COQ10B: variants seen among roughly 807,000 people sequenced by gnomAD.
COQ10B encodes the protein coenzyme Q-binding protein COQ10 homolog B, mitochondrial.
COQ10B carries 12 observed loss-of-function variants against 27.6 expected under a neutral mutation model. The observed-to-expected ratio is 0.43, with a 90% CI of 0.28 to 0.70. The LOEUF is 0.70. Ranked by LOEUF, COQ10B falls within the 30% of genes least tolerant of loss-of-function variation. COQ10B has a pLI of 0.17. For missense variants in COQ10B, 278 were observed against 288.7 expected (o/e 0.96, Z 0.27); for synonymous variants, 115 against 103.0 (o/e 1.12, Z -0.71).
At chr2:197,471,353 G>C (rs182448156) in intron 4 of COQ10B, among the ~76,000 whole-genome samples, 4 of 152,110 alleles carry the variant, frequency 2.6e-5, no homozygotes, top group Non-Finnish European at 5.9e-5. Context: ...TGTTTCCCAG[G>C]CTGGTCTCGA....
intron 1 of COQ10B, among the ~76,000 whole-genome samples, chr2:197,457,051 A>G (rs1282899816): frequency 6.6e-6 from 1 of 152,176 alleles, no homozygotes; most frequent in African/African-American, 2.4e-5. Flanking sequence ...ATCATCAGGC[A>G]TTAGTTAGAT....
chr2:197,468,615 T>C (rs2085849483), intron 3 of COQ10B, among the ~76,000 whole-genome samples: 1 of 152,190 alleles, frequency 6.6e-6, no homozygotes, highest in African/African-American at 2.4e-5. Flanking sequence ...GATTTTATTA[T>C]AGACTCTTGA....
chr2:197,459,526 ATTTTAAGTC>A (rs1358485328), intron 1 of COQ10B, among the ~76,000 whole-genome samples: 4 of 152,160 alleles, frequency 2.6e-5, no homozygotes, highest in Non-Finnish European at 5.9e-5. Context: ...TTGAGACCTA[ATTTTAAGTC>A]TCACTGGAGT....
intron 4 of COQ10B, among the ~76,000 whole-genome samples, chr2:197,470,555 T>G (rs1016831954): frequency 6.6e-6 from 1 of 151,682 alleles, no homozygotes; most frequent in African/African-American, 2.4e-5. Flanking sequence ...AGGCCAGGAG[T>G]TTGAGACCAG....
intron 4 of COQ10B, among the ~76,000 whole-genome samples, chr2:197,473,015 A>G (rs2085894659): frequency 6.6e-6 from 1 of 152,132 alleles, no homozygotes; most frequent in South Asian, 2.1e-4. Context: ...TGATTAATGT[A>G]TTCAGCAAAG....
At chr2:197,453,758 G>GA in intron 1 of COQ10B, 94 bp downstream of exon 1, 1 of 1,185,194 alleles carries the variant, frequency 8.4e-7, no homozygotes. Flanking sequence ...GGCAGAGCCG[G>GA]ACTCGGTGCA....
rs2085666650 is a variant in COQ10B, at chr2:197,453,952, T to C, written c.104+288T>C. On this transcript the variant is annotated intron_variant, in intron 1 of 4. Coordinates refer to ENST00000263960, the MANE Select transcript of COQ10B (RefSeq NM_025147.5). The stretch of plus-strand genomic sequence containing the variant: ...CATTGGTGCCTTTGGGCTCTTCCGG[T>C]CTCCTCCCCTATGGCTTGTTGCTAC... 4 of 1,550,034 alleles carry C rather than the reference T, an allele frequency of 2.6e-6. No individual in the cohort carries two copies. The African/African-American group carries it at 4.1e-5, about 16-fold the overall frequency.
rs779647756 is a variant in COQ10B, at chr2:197,459,980, T to C, written c.153T>C (p.His51=). 3 of 1,612,008 alleles carry C rather than the reference T, an allele frequency of 1.9e-6. No homozygotes were observed. The South Asian group carries it at 3.3e-5, about 18-fold the overall frequency. The part of the protein sequence containing the change: ...GILMSRTLPL[H]TSILPKEICA... ...TGATGAGCAGAACTCTTCCACTACA[T>C]ACCTCAATTTTGCCTAAGGAGATAT... The change falls in exon 2 of 5, where the codon CAT becomes CAC. Residue 51 remains histidine, a synonymous_variant. Transcript: ENST00000263960.
At chr2:197,459,002 G>A (rs1436419002) in intron 1 of COQ10B, among the ~76,000 whole-genome samples, 1 of 152,096 alleles carries the variant, frequency 6.6e-6, no homozygotes, top group Non-Finnish European at 1.5e-5. Flanking sequence ...ATCTTATTAA[G>A]GAAAGTTGAA....
At chr2:197,457,258 G>A (rs994077677) in intron 1 of COQ10B, among the ~76,000 whole-genome samples, 3 of 152,146 alleles carry the variant, frequency 2.0e-5, no homozygotes, top group African/African-American at 4.8e-5. Context: ...TTGGGGATCC[G>A]TCTTCTATAC....
At chr2:197,456,023 C>T (rs183361980) in intron 1 of COQ10B, among the ~76,000 whole-genome samples, 23 of 152,104 alleles carry the variant, frequency 1.5e-4, no homozygotes, top group South Asian at 4.2e-4. Flanking sequence ...TATTAATACA[C>T]GATGGGAATA....
rs755954925 is a variant in COQ10B, at chr2:197,462,674, A to T, written c.390A>T (p.Pro130=). The change falls in exon 3 of 5, where the codon CCA becomes CCT. Residue 130 remains proline (P), a synonymous_variant. Coordinates refer to ENST00000263960, the MANE Select transcript of COQ10B (RefSeq NM_025147.5). The part of the protein sequence containing the change: ...YCKTRLEIGF[P]PVLERYTSVV... ...AAACAAGATTAGAAATTGGATTTCCACCTGTGTTGGAGCGATATACATCAG... is the reference window on the plus strand; with the variant it reads ...AAACAAGATTAGAAATTGGATTTCCTCCTGTGTTGGAGCGATATACATCAG... 1 of 1,604,998 alleles carries T rather than the reference A, an allele frequency of 6.2e-7. No homozygotes were observed.
At chr2:197,471,462 T>G (rs561937126) in intron 4 of COQ10B, among the ~76,000 whole-genome samples, 1 of 152,276 alleles carries the variant, frequency 6.6e-6, no homozygotes, top group African/African-American at 2.4e-5. Flanking sequence ...CTTTTTCATA[T>G]AATCGTAGTT....
intron 2 of COQ10B, among the ~76,000 whole-genome samples, chr2:197,461,559 C>CTGTGTGTGTGTG (rs60261177): frequency 1.4e-5 from 2 of 139,760 alleles, no homozygotes; most frequent in African/African-American, 5.3e-5. Context: ...CTGATTTAGT[C>CTGTGTGTGTGTG]TGTGTGTGTG....
intron 2 of COQ10B, among the ~76,000 whole-genome samples, chr2:197,462,113 C>G (rs1026802452): frequency 2.0e-5 from 3 of 151,664 alleles, no homozygotes; most frequent in African/African-American, 7.3e-5. Flanking sequence ...ATTAAAAGTA[C>G]AAAAAATTAG....
Position 197,453,647 on chromosome 2 carries a change from G to A in COQ10B, c.87G>A (p.Ala29=), listed in dbSNP as rs779086374. The A allele has an allele frequency of 6.2e-7, 1 of 1,613,870 alleles. No homozygotes were observed. The highest frequency in any genetic ancestry group is 1.1e-5 in the South Asian group (1 of 91,070). The change falls in exon 1 of 5, where the codon GCG becomes GCA. Residue 29 remains alanine (A), a synonymous_variant. Transcript: ENST00000263960. ...CGGCGACAGCGGCCGGGGCGCAGGC[G>A]CCCGTGCGGAATGGCAGGTAATCAA... ...PKSATAAGAQ[A]PVRNGRYLAS... is the part of the protein sequence containing the mutation.
chr2:197,467,263 TTTA>T (rs1361461143), intron 3 of COQ10B, among the ~76,000 whole-genome samples: 2 of 15,884 alleles, frequency 1.3e-4, no homozygotes, highest in African/African-American at 9.3e-4. Context: ...CTGGATTTTA[TTTA>T]TTTATTTATT....
chr2:197,464,977 C>A (rs2085808834), intron 3 of COQ10B, among the ~76,000 whole-genome samples: 1 of 151,882 alleles, frequency 6.6e-6, no homozygotes, highest in Non-Finnish European at 1.5e-5. Context: ...GCTCCGCCTC[C>A]TGGGTTCACA....
In COQ10B at chr2:197,470,137, C is replaced by G. The variant is rs1295352930; in HGVS notation, c.515C>G (p.Pro172Arg). 1 of 1,612,966 alleles carries G rather than the reference C, an allele frequency of 6.2e-7. No homozygotes were observed. Among genetic ancestry groups the G allele is most frequent in the African/African-American group, 1.3e-5 (1 of 75,004 alleles). ...ATTTGGCGTTTTAGCCCAGGTCTTC[C>G]TGGCTACCCAAGAACTTGTACCTTG... Reference protein sequence around the residue: ...ETIWRFSPGLPGYPRTCTLDF... With the variant: ...ETIWRFSPGLRGYPRTCTLDF... Residue 172 changes from proline (P) to arginine (R), a missense_variant, in exon 4 of 5, where the codon CCT (proline) becomes CGT (arginine). By Grantham distance (103) the Pro-to-Arg change is moderately radical (BLOSUM62 -2). Coordinates refer to ENST00000263960, the MANE Select transcript of COQ10B (RefSeq NM_025147.5).
Sources: gnomAD v4.1 joint callset for allele counts (sites outside exome capture counted in the v4.1 genomes callset) on GRCh38, gnomAD v4.1.1 for gene constraint, MANE v1.5 for transcripts, NCBI Gene and HGNC (gene_info 2026-07-23, HGNC 2026-07-21) for gene names.